Variants in NNMT observed in about 807,000 individuals in gnomAD.
The protein encoded by NNMT is nicotinamide N-methyltransferase.
NNMT carries 10 observed loss-of-function variants against 11.7 expected under a neutral mutation model. The ratio of observed to expected loss-of-function variants is 0.85; its 90% CI spans 0.53 to 1.45. NNMT has a LOEUF of 1.45. NNMT is among the 40% of genes most tolerant of loss of function. The pLI is 0.00. For synonymous variants in NNMT, 143 were observed against 133.8 expected, an observed-to-expected ratio of 1.07 and a Z score of -0.48; for missense variants, 381 against 319.4, an observed-to-expected ratio of 1.19 and a Z score of -1.47.
At chr11:114,290,917 G>C (rs1230868752) in intron 2 of NNMT, among the ~76,000 whole-genome samples, 1 of 152,198 alleles carries the variant, frequency 6.6e-6, no homozygotes, top group Non-Finnish European at 1.5e-5. Context: ...GTCCTGCAAA[G>C]TCAGCTGTTA....
intron 1 of NNMT, among the ~76,000 whole-genome samples, chr11:114,260,518 C>T (rs144663158): frequency 1.9e-3 from 296 of 152,346 alleles, no homozygotes; most frequent in Middle Eastern, 0.017. Flanking sequence ...CTCCAGCACT[C>T]ACACATCCAG....
intron 2 of NNMT, chr11:114,270,594 C>T (rs1291030383): frequency 6.6e-6 from 1 of 152,238 alleles, no homozygotes; most frequent in Non-Finnish European, 1.5e-5. Context: ...GGCTGGAAGT[C>T]CAAGACCAAG....
At chr11:114,299,627 C>T (rs1215429785) in intron 2 of NNMT, among the ~76,000 whole-genome samples, 1 of 152,140 alleles carries the variant, frequency 6.6e-6, no homozygotes, top group African/African-American at 2.4e-5. Flanking sequence ...ATAGCATTTA[C>T]CAGCGAAGCC....
Position 114,278,220 on chromosome 11 carries a change from C to G in NNMT, c.-130+15286C>G, listed in dbSNP as rs12285641. Among the ~76,000 whole-genome samples the G allele has an allele frequency of 3.0e-3, 452 of 151,934 alleles. 1 individual carries two copies. The highest frequency in any genetic ancestry group is 0.014 in the Middle Eastern group (4 of 294). On this transcript the variant is annotated intron_variant, in intron 2 of 4. Transcript: ENST00000535401. ...GCAAGGGAGGAGCAGGCATTTCACACGGCGAGAGAGGGAGCAAGAGAGAGA... is the reference window on the plus strand; with the variant it reads ...GCAAGGGAGGAGCAGGCATTTCACAGGGCGAGAGAGGGAGCAAGAGAGAGA...
At chr11:114,271,343 A>C (rs1215614517) in intron 2 of NNMT, among the ~76,000 whole-genome samples, 2 of 152,324 alleles carry the variant, frequency 1.3e-5, no homozygotes, top group East Asian at 3.8e-4. Context: ...AGTAGTAGGG[A>C]AAAGTGTCAG....
upstream of NNMT, among the ~76,000 whole-genome samples, chr11:114,292,681 C>T (rs372233364): frequency 6.6e-6 from 1 of 152,030 alleles, no homozygotes; most frequent in African/African-American, 2.4e-5. Context: ...TTATAACAAA[C>T]ATTTATTTAA....
intron 2 of NNMT, among the ~76,000 whole-genome samples, chr11:114,264,775 G>A (rs1361149843): frequency 6.6e-6 from 1 of 152,202 alleles, no homozygotes; most frequent in Non-Finnish European, 1.5e-5. Context: ...GTGGTTCACT[G>A]AACTTAGGGA....
chr11:114,271,434 A>T (rs1945169427), intron 2 of NNMT, among the ~76,000 whole-genome samples: 1 of 152,148 alleles, frequency 6.6e-6, no homozygotes, highest in Admixed American at 6.5e-5. Flanking sequence ...AATGTCTACT[A>T]CCTATTTGAA....
chr11:114,297,049 A>G (rs1171876259), intron 1 of NNMT, among the ~76,000 whole-genome samples: 1 of 152,244 alleles, frequency 6.6e-6, no homozygotes, highest in Non-Finnish European at 1.5e-5. Flanking sequence ...TCCTAACTCA[A>G]GGGAATGCTG....
intron 1 of NNMT, among the ~76,000 whole-genome samples, chr11:114,261,138 G>C (rs964925314): frequency 6.6e-6 from 1 of 152,212 alleles, no homozygotes; most frequent in Non-Finnish European, 1.5e-5. Flanking sequence ...AGGAGCCCAC[G>C]GAGCCAGGGA....
chr11:114,261,205 G>A (rs1945077708), intron 1 of NNMT, among the ~76,000 whole-genome samples: 1 of 152,198 alleles, frequency 6.6e-6, no homozygotes, highest in Non-Finnish European at 1.5e-5. Context: ...CCGGGACTCT[G>A]TCTCCACCTA....
chr11:114,288,593 A>G (rs1945314686), intron 2 of NNMT, among the ~76,000 whole-genome samples: 1 of 152,140 alleles, frequency 6.6e-6, no homozygotes. Flanking sequence ...CTGCTAGAAA[A>G]TTAGGCTCTT....
chr11:114,304,020 A>G (rs186411768), intron 2 of NNMT, among the ~76,000 whole-genome samples: 1 of 152,348 alleles, frequency 6.6e-6, no homozygotes, highest in Admixed American at 6.5e-5. Flanking sequence ...TCAATATAAA[A>G]ATAATTTCAT....
intron 2 of NNMT, among the ~76,000 whole-genome samples, chr11:114,289,855 G>T (rs929573482): frequency 2.0e-5 from 3 of 152,172 alleles, no homozygotes; most frequent in Admixed American, 6.5e-5. Context: ...AAACGAGGTG[G>T]CTTGTAAACA....
intron 2 of NNMT, among the ~76,000 whole-genome samples, chr11:114,273,953 T>G (rs1237800571): frequency 1.3e-5 from 2 of 152,150 alleles, no homozygotes; most frequent in Non-Finnish European, 2.9e-5. Flanking sequence ...ACCAGTTATC[T>G]CTGAACAGGT....
upstream of NNMT, among the ~76,000 whole-genome samples, chr11:114,294,261 A>T (rs528634898): frequency 1.5e-4 from 23 of 151,948 alleles, 1 homozygote; most frequent in South Asian, 1.3e-3. Flanking sequence ...GGTAGGCGGA[A>T]CACCTGAGGA....
At chr11:114,275,800 A>G (rs1945209242) in intron 2 of NNMT, among the ~76,000 whole-genome samples, 1 of 151,984 alleles carries the variant, frequency 6.6e-6, no homozygotes, top group Non-Finnish European at 1.5e-5. Flanking sequence ...ATATCCTGTG[A>G]GTTGTGTATA....
At chr11:114,288,395 G>T (rs1413532938) in intron 2 of NNMT, among the ~76,000 whole-genome samples, 1 of 151,506 alleles carries the variant, frequency 6.6e-6, no homozygotes, top group Non-Finnish European at 1.5e-5. Context: ...TTCCAGTTTG[G>T]CAAGGATTGT....
intron 2 of NNMT, among the ~76,000 whole-genome samples, chr11:114,310,282 C>CT (rs1945537906): frequency 6.6e-6 from 1 of 152,118 alleles, no homozygotes; most frequent in South Asian, 2.1e-4. Context: ...TATTATCTGT[C>CT]TTTTTTATTA....
Sources: gnomAD v4.1 joint callset for allele counts (sites outside exome capture counted in the v4.1 genomes callset) on GRCh38, gnomAD v4.1.1 for gene constraint, MANE v1.5 for transcripts, NCBI Gene and HGNC (gene_info 2026-07-23, HGNC 2026-07-21) for gene names.